ADAMTS17: variants seen among roughly 807,000 people sequenced by gnomAD.
ADAMTS17 encodes the protein ADAM metallopeptidase with thrombospondin type 1 motif 17.
ADAMTS17 carries 113 observed loss-of-function variants against 141.5 expected under a neutral mutation model. That is an observed-to-expected ratio of 0.80 (90% CI 0.69 to 0.93). ADAMTS17 has a LOEUF of 0.93. Ranked by LOEUF, ADAMTS17 falls within the 40% of genes least tolerant of loss-of-function variation. The pLI is 0.00. For missense variants in ADAMTS17, 1,659 were observed against 1,517.9 expected (o/e 1.09, Z -1.54); for synonymous variants, 768 against 630.6 (o/e 1.22, Z -3.27).
intron 3 of ADAMTS17, among the ~76,000 whole-genome samples, chr15:100,317,228 C>T (rs934672403): frequency 6.6e-6 from 1 of 152,106 alleles, no homozygotes; most frequent in Non-Finnish European, 1.5e-5. Flanking sequence ...ATCAACCAAA[C>T]GGCAGGGTCT....
intron 4 of ADAMTS17, among the ~76,000 whole-genome samples, chr15:100,262,818 T>C (rs1052074131): frequency 6.6e-6 from 1 of 150,718 alleles, no homozygotes; most frequent in East Asian, 1.9e-4. Flanking sequence ...AAAGAATAAT[T>C]ATGTGAAATT....
rs773474595 is a variant in ADAMTS17, at chr15:100,261,653, G to A, written c.874-17C>T. On this transcript the variant is annotated splice_polypyrimidine_tract_variant and intron_variant, in intron 5 of 21. Coordinates refer to ENST00000268070, the MANE Select transcript of ADAMTS17 (RefSeq NM_139057.4). ...CAACTTAGCCTAAAAAAAGTCAGAG[G>A]ACAGTTAGAGAAACAAACGCCTGGG... is the stretch of plus-strand genomic sequence containing the variant. 5.6e-6 allele frequency: 9 copies of A among 1,610,976 alleles called. No individual in the cohort carries two copies. The highest frequency in any genetic ancestry group is 2.2e-5 in the East Asian group (1 of 44,802).
intron 10 of ADAMTS17, among the ~76,000 whole-genome samples, chr15:100,149,267 T>A (rs1329000158): frequency 1.3e-5 from 2 of 152,268 alleles, no homozygotes; most frequent in Non-Finnish European, 1.5e-5. Flanking sequence ...TCCTTGGTTC[T>A]CAAAGGGTTC....
intron 3 of ADAMTS17, among the ~76,000 whole-genome samples, chr15:100,310,010 C>G (rs1255939654): frequency 6.6e-6 from 1 of 152,190 alleles, no homozygotes; most frequent in Non-Finnish European, 1.5e-5. Context: ...GAGGGATGCA[C>G]AGATGCTCTT....
rs79513440 is a variant in ADAMTS17 at position 100,140,800 on chromosome 15, C to T, written c.1474-7485G>A. On this transcript the variant is annotated intron_variant, in intron 10 of 21. Transcript: ENST00000268070. The stretch of plus-strand genomic sequence containing the variant: ...CGCTTCCCCTGCAATCATGCATTCT[C>T]GGTGTGAGTGTCCATCCTCTCATCT... 8.0e-3 allele frequency among the ~76,000 whole-genome samples: 1,223 copies of T among 152,196 alleles called. 6 individuals carry two copies. The highest frequency in any genetic ancestry group is 0.011 in the Non-Finnish European group (737 of 67,998).
intron 18 of ADAMTS17, among the ~76,000 whole-genome samples, chr15:100,034,432 A>G (rs2030500160): frequency 6.6e-6 from 1 of 152,214 alleles, no homozygotes; most frequent in Admixed American, 6.5e-5. Flanking sequence ...TGGCCGGCCA[A>G]CAAGGAGGCT....
At chr15:100,212,921 G>C (rs2041855771) in intron 7 of ADAMTS17, among the ~76,000 whole-genome samples, 1 of 151,946 alleles carries the variant, frequency 6.6e-6, no homozygotes, top group South Asian at 2.1e-4. Flanking sequence ...TGTCAATCAG[G>C]TGCACGCATT....
rs371834945 is a variant in ADAMTS17, at chr15:100,281,427, C to T, written c.617-26G>A. ...CTAGAAAATGATGGAAACATTTGTG[C>T]GGTCCTTGGCTTACTGACTTCCAAA... On this transcript the variant is annotated intron_variant, in intron 3 of 21. Coordinates refer to ENST00000268070, the MANE Select transcript of ADAMTS17 (RefSeq NM_139057.4). 7.2e-4 allele frequency: 1,154 copies of T among 1,604,620 alleles called. 1 individual carries two copies. The highest frequency in any genetic ancestry group is 9.2e-4 in the Non-Finnish European group (1,086 of 1,176,596).
intron 15 of ADAMTS17, among the ~76,000 whole-genome samples, chr15:100,059,403 A>G (rs2032933160): frequency 6.6e-6 from 1 of 151,998 alleles, no homozygotes; most frequent in East Asian, 1.9e-4. Flanking sequence ...TCCCGGGGAG[A>G]GGAAAACACA....
At chr15:100,009,384 C>T (rs1021327908) in intron 18 of ADAMTS17, among the ~76,000 whole-genome samples, 1 of 152,128 alleles carries the variant, frequency 6.6e-6, no homozygotes, top group Non-Finnish European at 1.5e-5. Context: ...CTCATCATGA[C>T]CCTGAAAGTT....
intron 18 of ADAMTS17, among the ~76,000 whole-genome samples, chr15:100,001,789 G>A (rs1046906697): frequency 4.3e-4 from 65 of 151,954 alleles, no homozygotes; most frequent in Admixed American, 3.3e-4. Context: ...TGGCCGGTAT[G>A]GTGAAACCCC....
Position 100,266,258 on chromosome 15 carries a change from G to A in ADAMTS17, c.790-3823C>T, listed in dbSNP as rs115892200. 6.4e-3 allele frequency among the ~76,000 whole-genome samples: 967 copies of A among 152,204 alleles called. 9 individuals are homozygous for A. The highest frequency in any genetic ancestry group is 0.022 in the African/African-American group (909 of 41,524). ...TGTTCTTTAAAATATTCCTGCTCCCGTGTCACCGCCACCCCAACCAAAGGA... is the reference window on the plus strand; with the variant it reads ...TGTTCTTTAAAATATTCCTGCTCCCATGTCACCGCCACCCCAACCAAAGGA... On this transcript the variant is annotated intron_variant, in intron 4 of 21. Coordinates refer to ENST00000268070, the MANE Select transcript of ADAMTS17 (RefSeq NM_139057.4).
intron 15 of ADAMTS17, among the ~76,000 whole-genome samples, chr15:100,068,013 G>A (rs1050606351): frequency 1.3e-5 from 2 of 152,168 alleles, no homozygotes; most frequent in Non-Finnish European, 2.9e-5. Flanking sequence ...TCAAAGAAAG[G>A]GGTGACAGAT....
rs1193415615 is a variant in ADAMTS17, at chr15:100,132,171, G to A, written c.1576-19C>T. 6.2e-7 allele frequency: 1 copy of A among 1,611,322 alleles called. No homozygotes were observed. Among genetic ancestry groups the A allele is most frequent in the East Asian group, 2.2e-5 (1 of 44,856 alleles). ...GGCACCACTGAAACACAGCGGGGAG[G>A]GTCGGGGCCCAGGCACTCAGCAGAG... On this transcript the variant is annotated intron_variant, in intron 11 of 21. Transcript: ENST00000268070.
At chr15:100,077,671 G>A (rs189081768) in intron 15 of ADAMTS17, among the ~76,000 whole-genome samples, 9 of 152,246 alleles carry the variant, frequency 5.9e-5, no homozygotes, top group Admixed American at 3.9e-4. Flanking sequence ...ATATTTAATG[G>A]TGAAATACTA....
chr15:100,339,158 A>C (rs2046291760), intron 2 of ADAMTS17: 1 of 985,384 alleles, frequency 1.0e-6, no homozygotes, highest in South Asian at 4.7e-5. Context: ...AGGTTCCTTT[A>C]TCTAAAGCAC....
intron 4 of ADAMTS17, among the ~76,000 whole-genome samples, chr15:100,278,691 G>T (rs923852274): frequency 6.6e-6 from 1 of 152,222 alleles, no homozygotes; most frequent in Non-Finnish European, 1.5e-5. Context: ...GTCCTGGAAA[G>T]TCTTCAACGA....
In ADAMTS17 at chr15:100,051,716, C is replaced by A; in HGVS notation, c.2311G>T (p.Asp771Tyr). ...TCATAATGAATTCCATAATCTTGGTCGTGAAATAACAACACCTGGATCAGC... is the reference window on the plus strand; with the variant it reads ...TCATAATGAATTCCATAATCTTGGTAGTGAAATAACAACACCTGGATCAGC... ...PLHLMVLLFHDQDYGIHYEYT... is the reference protein window; with the variant it reads ...PLHLMVLLFHYQDYGIHYEYT... Residue 771 changes from aspartate to tyrosine, a missense_variant, in exon 17 of 22, where the codon GAC becomes TAC. Transcript: ENST00000268070. The A allele has an allele frequency of 1.2e-6, 2 of 1,614,042 alleles. No individual in the cohort carries two copies. The highest frequency in any genetic ancestry group is 1.7e-6 in the Non-Finnish European group (2 of 1,180,024).
At chr15:100,152,867 C>T (rs925162398) in intron 9 of ADAMTS17, 105 bp from the exon 10 acceptor site, 4 of 1,404,076 alleles carry the variant, frequency 2.8e-6, no homozygotes, top group South Asian at 1.3e-5. Context: ...AAGAGGGCAC[C>T]TCCACGTTCC....
Sources: allele counts gnomAD v4.1 joint callset (sites outside exome capture counted in the v4.1 genomes callset), GRCh38; gene constraint gnomAD v4.1.1; transcripts MANE v1.5; gene names NCBI Gene and HGNC (gene_info 2026-07-23, HGNC 2026-07-21).